TSPAN11: variants seen among roughly 807,000 people sequenced by gnomAD.
TSPAN11 encodes the protein tetraspanin-11.
TSPAN11 carries 29 observed loss-of-function variants against 32.9 expected under a neutral mutation model. The observed-to-expected ratio is 0.88, with a 90% CI of 0.66 to 1.20. TSPAN11 has a LOEUF of 1.20. TSPAN11 is among the 50% of genes most tolerant of loss of function. The pLI is 0.00. For missense variants in TSPAN11, 283 were observed against 329.1 expected (o/e 0.86, Z 1.08); for synonymous variants, 140 against 141.3 (o/e 0.99, Z 0.07).
intron 2 of TSPAN11, among the ~76,000 whole-genome samples, chr12:30,963,404 C>G (rs1284387465): frequency 6.6e-6 from 1 of 152,180 alleles, no homozygotes; most frequent in African/African-American, 2.4e-5. Flanking sequence ...ACGAGCCCCA[C>G]CAGGGAAGTG....
At position 30,975,164 on chromosome 12, in the gene TSPAN11, G is replaced by A. The variant is rs370211034; in HGVS notation, c.277-3397G>A. Among the ~76,000 whole-genome samples the A allele has an allele frequency of 1.3e-5, 2 of 152,302 alleles. No homozygotes were observed. The highest frequency in any genetic ancestry group is 2.1e-4 in the South Asian group (1 of 4,828). Reference sequence around the variant, plus strand: ...GTGCCGCAGGGGCCCTGAGATGATCGCGCCGGACCCAGGGAGTCAGGAAAG... The same window carrying A: ...GTGCCGCAGGGGCCCTGAGATGATCACGCCGGACCCAGGGAGTCAGGAAAG... On this transcript the variant is annotated intron_variant, in intron 3 of 7. Transcript: ENST00000546076. This position sits in a 1 kb window ranked among gnomAD's most constrained non-coding sequence, Gnocchi z 4.5.
the TSPAN11 span, among the ~76,000 whole-genome samples, chr12:31,002,567 C>T: frequency 2.0e-5 from 3 of 152,128 alleles, no homozygotes; most frequent in Non-Finnish European, 2.9e-5. This position sits in a 1 kb window ranked among gnomAD's most constrained non-coding sequence, Gnocchi z 4.8. Flanking sequence ...CTCAGAGTGC[C>T]CGTTTGGAGC....
chr12:31,015,657 T>A, the TSPAN11 span: 1 of 152,222 alleles, frequency 6.6e-6, no homozygotes, highest in Admixed American at 6.5e-5. This position sits in a 1 kb window ranked among gnomAD's most constrained non-coding sequence, Gnocchi z 4.9. Context: ...CATTGTCTCA[T>A]CTCACCAGGC....
chr12:30,975,257 T>C lies in TSPAN11; in HGVS notation c.277-3304T>C, dbSNP rs920962201. ...GTCAGAGCCCATGACCTCACCCGGC[T>C]GAAGTCCCAGCATCTTGATGAGGGA... On this transcript the variant is annotated intron_variant, in intron 3 of 7. Transcript: ENST00000546076. This position sits in a 1 kb window ranked among gnomAD's most constrained non-coding sequence, Gnocchi z 4.5. Among the ~76,000 whole-genome samples, 2 of 152,080 alleles carry C rather than the reference T, an allele frequency of 1.3e-5. No individual in the cohort carries two copies. The highest frequency in any genetic ancestry group is 4.8e-5 in the African/African-American group (2 of 41,412).
chr12:30,950,516 G>T (rs1938361395), intron 1 of TSPAN11, among the ~76,000 whole-genome samples: 1 of 152,156 alleles, frequency 6.6e-6, no homozygotes, highest in Admixed American at 6.5e-5. Context: ...CCTCAGCATG[G>T]GATGCTCTCA....
the TSPAN11 span, among the ~76,000 whole-genome samples, chr12:31,003,394 A>G: frequency 6.6e-6 from 1 of 152,212 alleles, no homozygotes; most frequent in Non-Finnish European, 1.5e-5. Context: ...TGAGCCAAGA[A>G]GGCAGTTTGA....
At chr12:30,959,057 C>G (rs1287329171) in intron 2 of TSPAN11, among the ~76,000 whole-genome samples, 1 of 152,162 alleles carries the variant, frequency 6.6e-6, no homozygotes, top group Non-Finnish European at 1.5e-5. Context: ...GAAACACTAG[C>G]TGTTGCCCCA....
At chr12:31,014,306 A>T in the TSPAN11 span, among the ~76,000 whole-genome samples, 1 of 152,214 alleles carries the variant, frequency 6.6e-6, no homozygotes, top group Admixed American at 6.5e-5. Context: ...GTATTTCCTT[A>T]TGCTACAATG....
chr12:30,979,981 G>A (rs943397508), intron 5 of TSPAN11, among the ~76,000 whole-genome samples: 2 of 152,192 alleles, frequency 1.3e-5, no homozygotes, highest in African/African-American at 4.8e-5. Flanking sequence ...TGTGCCAGGA[G>A]AACTCCATCT....
chr12:30,980,879 G>A (rs144589295), intron 5 of TSPAN11, among the ~76,000 whole-genome samples: 33 of 152,308 alleles, frequency 2.2e-4, no homozygotes, highest in African/African-American at 7.9e-4. Context: ...CACTCACTGG[G>A]CCTCACCTGT....
downstream of TSPAN11, chr12:30,996,935 C>T (rs959585652): frequency 6.6e-6 from 1 of 152,266 alleles, no homozygotes; most frequent in Admixed American, 6.5e-5. Flanking sequence ...CCATGACACA[C>T]AACCAGCATC....
downstream of TSPAN11, among the ~76,000 whole-genome samples, chr12:31,000,569 A>G (rs1939468064): frequency 6.6e-6 from 1 of 152,204 alleles, no homozygotes; most frequent in South Asian, 2.1e-4. Context: ...ATGACTGCCC[A>G]AGGTTCACAT....
intron 3 of TSPAN11, among the ~76,000 whole-genome samples, chr12:30,973,045 AAATGCTG>A (rs1938885290): frequency 6.6e-6 from 1 of 152,070 alleles, no homozygotes; most frequent in South Asian, 2.1e-4. Context: ...ACCTGCCCTA[AAATGCTG>A]AATCCACCCT....
chr12:30,940,881 C>A (rs898476016), intron 1 of TSPAN11, among the ~76,000 whole-genome samples: 1 of 152,178 alleles, frequency 6.6e-6, no homozygotes, highest in Admixed American at 6.5e-5. Flanking sequence ...GCATTAGATT[C>A]TCATAGGAGC....
downstream of TSPAN11, among the ~76,000 whole-genome samples, chr12:30,998,764 G>A (rs1039140381): frequency 6.6e-6 from 1 of 152,334 alleles, no homozygotes; most frequent in African/African-American, 2.4e-5. Context: ...CCCGTGATGG[G>A]GATGAGGAGC....
intron 2 of TSPAN11, among the ~76,000 whole-genome samples, chr12:30,957,133 C>T (rs941901032): frequency 3.3e-5 from 5 of 152,048 alleles, no homozygotes; most frequent in Admixed American, 1.3e-4. Context: ...TCCCACTGAA[C>T]GTGGCTGCTG....
intron 7 of TSPAN11, among the ~76,000 whole-genome samples, chr12:30,984,754 C>T (rs1409290658): frequency 6.6e-6 from 1 of 151,976 alleles, no homozygotes; most frequent in Non-Finnish European, 1.5e-5. Context: ...GCTGAGGTTT[C>T]ACCATGTTGT....
At chr12:30,954,120 G>T (rs1327064845) in intron 2 of TSPAN11, 45 bp downstream of exon 2, 1 of 1,455,058 alleles carries the variant, frequency 6.9e-7, no homozygotes, top group East Asian at 2.3e-5. Context: ...AGCACTGAAT[G>T]AGTCAAGCCA....
intron 2 of TSPAN11, among the ~76,000 whole-genome samples, chr12:30,956,043 G>C (rs551466543): frequency 1.3e-5 from 2 of 152,346 alleles, no homozygotes; most frequent in African/African-American, 4.8e-5. Context: ...GCAGGAGACG[G>C]TGGTGACTTA....
Sources: allele counts gnomAD v4.1 joint callset (sites outside exome capture counted in the v4.1 genomes callset), GRCh38; gene constraint gnomAD v4.1.1; non-coding constraint Gnocchi (gnomAD v3.1); transcripts MANE v1.5; gene names NCBI Gene and HGNC (gene_info 2026-07-23, HGNC 2026-07-21).